The following PKNOX2 variants were observed in gnomAD, a reference collection of about 807,000 sequenced individuals.
The protein encoded by PKNOX2 is homeobox protein PKNOX2.
Under a neutral mutation model 53.1 loss-of-function variants are expected in PKNOX2, and 14 were observed. That is an observed-to-expected ratio of 0.26 (90% confidence interval 0.17 to 0.41). The LOEUF is 0.41. PKNOX2 is among the 10% of genes least tolerant of loss of function. The pLI is 1.00. For missense variants in PKNOX2, 496 were observed against 602.8 expected (o/e 0.82, Z 1.85); for synonymous variants, 257 against 242.8 (o/e 1.06, Z -0.54).
chr11:125,310,505 A>T (rs1248814800), intron 2 of PKNOX2, among the ~76,000 whole-genome samples: 2 of 151,540 alleles, frequency 1.3e-5, no homozygotes, highest in African/African-American at 4.8e-5. Context: ...AAAAAAAAAA[A>T]TAATAAAAAT....
chr11:125,211,734 G>A (rs1450772100), intron 1 of PKNOX2, among the ~76,000 whole-genome samples: 1 of 152,082 alleles, frequency 6.6e-6, no homozygotes, highest in African/African-American at 2.4e-5. Context: ...TGGGCTGCAG[G>A]GGGAGGTGGG....
intron 1 of PKNOX2, among the ~76,000 whole-genome samples, chr11:125,185,952 A>G (rs561550356): frequency 6.6e-6 from 1 of 152,208 alleles, no homozygotes; most frequent in East Asian, 1.9e-4. Flanking sequence ...GAACCACCAA[A>G]CTGTTTTCCA....
At chr11:125,288,448 G>A (rs138753904) in intron 2 of PKNOX2, among the ~76,000 whole-genome samples, 5 of 152,312 alleles carry the variant, frequency 3.3e-5, no homozygotes, top group Middle Eastern at 3.4e-3. Flanking sequence ...GATTGAGGCC[G>A]TGGTGAGCCC....
At position 125,199,168 on chromosome 11, in the gene PKNOX2, A is replaced by G. The variant is rs550212418; in HGVS notation, c.-201+34392A>G. On this transcript the variant is annotated intron_variant, in intron 1 of 12. Transcript: ENST00000298282. ...CTTCCCTTTTTTTCTCCTCTTTGGT[A>G]GTTGATCTCACCTGTTGCCCCAGCC... Among the ~76,000 whole-genome samples the G allele has an allele frequency of 1.3e-4, 19 of 151,770 alleles. No individual in the cohort carries two copies. The South Asian group carries it at 3.7e-3, about 30-fold the overall frequency.
At chr11:125,329,971 G>A (rs1950039641) in intron 2 of PKNOX2, among the ~76,000 whole-genome samples, 1 of 152,212 alleles carries the variant, frequency 6.6e-6, no homozygotes, top group Non-Finnish European at 1.5e-5. Flanking sequence ...ACAGGTGTGA[G>A]GCACTCACGG....
chr11:125,324,434 C>A (rs1949715439), intron 2 of PKNOX2, among the ~76,000 whole-genome samples: 1 of 152,146 alleles, frequency 6.6e-6, no homozygotes, highest in Admixed American at 6.5e-5. Context: ...CTCCTTTATC[C>A]AGCAAATATG....
chr11:125,373,713 T>A (rs1952680562), intron 5 of PKNOX2, among the ~76,000 whole-genome samples: 1 of 152,220 alleles, frequency 6.6e-6, no homozygotes, highest in East Asian at 1.9e-4. Context: ...CAATTAATTA[T>A]GAACTGAGCT....
intron 10 of PKNOX2, among the ~76,000 whole-genome samples, chr11:125,416,349 A>G (rs992898285): frequency 6.7e-6 from 1 of 150,010 alleles, no homozygotes; most frequent in Admixed American, 6.6e-5. Flanking sequence ...TACAACTTTG[A>G]CGTTTGGGAA....
intron 2 of PKNOX2, among the ~76,000 whole-genome samples, chr11:125,319,510 G>A (rs1368000445): frequency 6.6e-6 from 1 of 152,230 alleles, no homozygotes; most frequent in East Asian, 1.9e-4. Flanking sequence ...GCAATAAAAT[G>A]AGATGTGTCT....
chr11:125,269,053 A>T (rs995966736), intron 2 of PKNOX2, among the ~76,000 whole-genome samples: 1 of 152,242 alleles, frequency 6.6e-6, no homozygotes, highest in Non-Finnish European at 1.5e-5. Flanking sequence ...GTGACCACAA[A>T]GTGTCTCATG....
At chr11:125,227,424 T>C (rs1941797759) in intron 1 of PKNOX2, among the ~76,000 whole-genome samples, 1 of 152,218 alleles carries the variant, frequency 6.6e-6, no homozygotes, top group Non-Finnish European at 1.5e-5. Flanking sequence ...CTACTTTCTA[T>C]CTCTGTGAGT....
intron 6 of PKNOX2, among the ~76,000 whole-genome samples, chr11:125,388,162 G>A (rs1039610285): frequency 6.6e-6 from 1 of 151,986 alleles, no homozygotes; most frequent in Non-Finnish European, 1.5e-5. Flanking sequence ...CCCCACCCCT[G>A]GTCCTGTGTC....
intron 1 of PKNOX2, among the ~76,000 whole-genome samples, chr11:125,170,922 A>C (rs892163997): frequency 6.6e-6 from 1 of 151,794 alleles, no homozygotes; most frequent in Admixed American, 6.6e-5. Context: ...GAACGTGGCC[A>C]ATTTGAGTAC....
At chr11:125,371,498 C>T (rs1164815079) in intron 5 of PKNOX2, among the ~76,000 whole-genome samples, 1 of 152,136 alleles carries the variant, frequency 6.6e-6, no homozygotes, top group African/African-American at 2.4e-5. Context: ...GGCGCAGAGG[C>T]AGGGCCAAGA....
At chr11:125,276,503 C>G (rs533887800) in intron 2 of PKNOX2, among the ~76,000 whole-genome samples, 15 of 152,228 alleles carry the variant, frequency 9.9e-5, no homozygotes, top group African/African-American at 3.4e-4. Flanking sequence ...TGGATGGGAG[C>G]CAGGACTCTT....
At chr11:125,272,904 CACTG>C (rs1945903310) in intron 2 of PKNOX2, among the ~76,000 whole-genome samples, 2 of 152,240 alleles carry the variant, frequency 1.3e-5, no homozygotes, top group African/African-American at 2.4e-5. Flanking sequence ...CAGCATTGAG[CACTG>C]ACTGTCGGGT....
chr11:125,344,752 A>G (rs1055341516), intron 3 of PKNOX2, among the ~76,000 whole-genome samples: 1 of 152,192 alleles, frequency 6.6e-6, no homozygotes, highest in African/African-American at 2.4e-5. Context: ...CCGGAGGGGC[A>G]GTAGGGAAGC....
chr11:125,358,780 G>A (rs1254882564), intron 4 of PKNOX2, among the ~76,000 whole-genome samples: 2 of 152,202 alleles, frequency 1.3e-5, no homozygotes, highest in Non-Finnish European at 2.9e-5. Context: ...TGGGATCCCT[G>A]AGGCCTTTAA....
chr11:125,273,113 G>C (rs1346825265), intron 2 of PKNOX2, among the ~76,000 whole-genome samples: 1 of 152,202 alleles, frequency 6.6e-6, no homozygotes, highest in Non-Finnish European at 1.5e-5. Context: ...GAGACTGGCT[G>C]TGCTGGTCAG....
Sources: allele counts gnomAD v4.1 joint callset (sites outside exome capture counted in the v4.1 genomes callset), GRCh38; gene constraint gnomAD v4.1.1; transcripts MANE v1.5; gene names NCBI Gene and HGNC (gene_info 2026-07-23, HGNC 2026-07-21).